Variants in ANK1 observed in about 807,000 individuals in gnomAD.
ANK1 encodes the protein ankyrin 1.
In ANK1, 51 loss-of-function variants were observed where a neutral mutation model predicts 210.4. That is an observed-to-expected ratio of 0.24 (90% CI 0.19 to 0.31). The LOEUF is 0.31. ANK1 is among the 10% of genes least tolerant of loss of function. The pLI is 1.00. For synonymous variants in ANK1, 967 were observed against 1,025.9 expected (o/e 0.94, Z 1.10); for missense variants, 2,051 against 2,504.4 (o/e 0.82, Z 3.86).
chr8:41,747,028 A>C (rs1380116780), intron 2 of ANK1, among the ~76,000 whole-genome samples: 1 of 152,104 alleles, frequency 6.6e-6, no homozygotes. Flanking sequence ...TTTCGTCTGA[A>C]TTCCATAATT....
At chr8:41,886,092 T>C (rs1321185255) in intron 1 of ANK1, among the ~76,000 whole-genome samples, 1 of 152,188 alleles carries the variant, frequency 6.6e-6, no homozygotes, top group African/African-American at 2.4e-5. Flanking sequence ...AGAGGAAAAC[T>C]CCAAGGCCCA....
chr8:41,780,042 C>A (rs1220181990), intron 1 of ANK1, among the ~76,000 whole-genome samples: 1 of 152,192 alleles, frequency 6.6e-6, no homozygotes, highest in Admixed American at 6.5e-5. Flanking sequence ...AGGCCACTAA[C>A]TCTAATTAGT....
intron 1 of ANK1, among the ~76,000 whole-genome samples, chr8:41,820,287 G>A (rs112741696): frequency 0.011 from 1,711 of 151,694 alleles, 19 homozygotes; most frequent in Non-Finnish European, 0.018. Flanking sequence ...AGCCTCCTGA[G>A]TAGCTGAGAT....
intron 1 of ANK1, among the ~76,000 whole-genome samples, chr8:41,765,618 T>C (rs1841602412): frequency 6.6e-6 from 1 of 152,134 alleles, no homozygotes; most frequent in Admixed American, 6.5e-5. Context: ...TGCCTGGGTT[T>C]GGAGGCTGTG....
Position 41,693,139 on chromosome 8 carries a change from CGTT to C in ANK1, c.3592_3594del (p.Asn1198del). ...ACATTGGTGGTGAAGTTGGCGCACT[CGTT>C]GGCATATACAAGTTTGGTGGTTCCT... On this transcript the variant is annotated inframe_deletion, in exon 30 of 43. Transcript: ENST00000289734. 1 of 1,613,908 alleles carries C rather than the reference CGTT, an allele frequency of 6.2e-7. No individual in the cohort carries two copies. The highest frequency in any genetic ancestry group is 8.5e-7 in the Non-Finnish European group (1 of 1,179,760).
chr8:41,725,159 G>A (rs1292550153), intron 6 of ANK1, among the ~76,000 whole-genome samples: 1 of 152,246 alleles, frequency 6.6e-6, no homozygotes, highest in Non-Finnish European at 1.5e-5. Flanking sequence ...CTGAAGGCAG[G>A]CCTAACCCCA....
intron 39 of ANK1, among the ~76,000 whole-genome samples, chr8:41,667,066 C>T (rs1051704654): frequency 6.6e-6 from 1 of 152,248 alleles, no homozygotes; most frequent in Non-Finnish European, 1.5e-5. Flanking sequence ...CAGTTAAGAT[C>T]ATGTGTGCTC....
chr8:41,791,052 C>A (rs1016161791), intron 1 of ANK1, among the ~76,000 whole-genome samples: 1 of 152,106 alleles, frequency 6.6e-6, no homozygotes, highest in Admixed American at 6.5e-5. Context: ...CTGCACAAGC[C>A]GCTAATAGGT....
At chr8:41,856,913 A>C (rs1587451649) in intron 1 of ANK1, among the ~76,000 whole-genome samples, 2 of 114,104 alleles carry the variant, frequency 1.8e-5, no homozygotes, top group Non-Finnish European at 3.3e-5. Flanking sequence ...ACAGGGAATC[A>C]CCCTGTTGCC....
At chr8:41,658,944 T>C (rs2150533966) in intron 42 of ANK1, among the ~76,000 whole-genome samples, 1 of 151,062 alleles carries the variant, frequency 6.6e-6, no homozygotes, top group South Asian at 2.1e-4. Flanking sequence ...ATAGTCGCTG[T>C]GAACACGGAA....
At chr8:41,730,901 C>A (rs1832032948) in intron 3 of ANK1, among the ~76,000 whole-genome samples, 1 of 152,194 alleles carries the variant, frequency 6.6e-6, no homozygotes, top group Non-Finnish European at 1.5e-5. Context: ...TCAAGAGGCT[C>A]ACGTCAAAGG....
intron 1 of ANK1, among the ~76,000 whole-genome samples, chr8:41,803,085 G>GGAAGGAAGGAAAGGA (rs1563811160): frequency 1.7e-5 from 1 of 59,996 alleles, no homozygotes; most frequent in Non-Finnish European, 3.1e-5. Flanking sequence ...GGAAGGAAGG[G>GGAAGGAAGGAAAGGA]AAGGAAAGGA....
At chr8:41,751,781 C>T (rs1837765821) in intron 2 of ANK1, among the ~76,000 whole-genome samples, 1 of 152,184 alleles carries the variant, frequency 6.6e-6, no homozygotes, top group Non-Finnish European at 1.5e-5. Context: ...AGTCTATCCT[C>T]CACACAGCAG....
intron 9 of ANK1, 36 bp downstream of exon 9, chr8:41,723,089 T>G: frequency 1.3e-6 from 2 of 1,596,574 alleles, no homozygotes; most frequent in Non-Finnish European, 1.7e-6. Flanking sequence ...TGGAGCCCTG[T>G]CTAGAAAATG....
chr8:41,699,493 TTCA>T lies in ANK1; in HGVS notation c.2514_2516del (p.Asp838del), dbSNP rs767732383. Reference sequence around the variant, plus strand: ...GCACAAAATCCAGCAGCTCCTTCTCTTCATCAACATCCCTGGAATCCCGCCTCT... The same window carrying T: ...GCACAAAATCCAGCAGCTCCTTCTCTTCAACATCCCTGGAATCCCGCCTCT... On this transcript the variant is annotated inframe_deletion, in exon 23 of 43. Coordinates refer to ENST00000289734, the MANE Select transcript of ANK1 (RefSeq NM_000037.4). The T allele has an allele frequency of 1.1e-5, 17 of 1,614,046 alleles. No homozygotes were observed. The East Asian group carries it at 3.8e-4, about 36-fold the overall frequency.
intron 1 of ANK1, among the ~76,000 whole-genome samples, chr8:41,804,884 A>G (rs1850686719): frequency 6.6e-6 from 1 of 152,176 alleles, no homozygotes; most frequent in Non-Finnish European, 1.5e-5. Flanking sequence ...GGGAAACTAA[A>G]AGCTTTAAAA....
chr8:41,864,950 C>A (rs1482552792), intron 1 of ANK1, among the ~76,000 whole-genome samples: 1 of 152,346 alleles, frequency 6.6e-6, no homozygotes, highest in East Asian at 1.9e-4. Flanking sequence ...GAGCACTGAC[C>A]AACCAGATCA....
At chr8:41,683,091 CAT>C (rs1237458314) in intron 37 of ANK1, among the ~76,000 whole-genome samples, 9 of 151,904 alleles carry the variant, frequency 5.9e-5, no homozygotes, top group Non-Finnish European at 1.2e-4. Context: ...CACACACACA[CAT>C]GCACGCACAC....
intron 36 of ANK1, among the ~76,000 whole-genome samples, chr8:41,685,789 C>A (rs1469876746): frequency 3.3e-5 from 5 of 152,244 alleles, no homozygotes; most frequent in Admixed American, 6.5e-5. Context: ...TGTGTGCCAC[C>A]ACACCTGGCT....
Sources: allele counts gnomAD v4.1 joint callset (sites outside exome capture counted in the v4.1 genomes callset), GRCh38; gene constraint gnomAD v4.1.1; transcripts MANE v1.5; gene names NCBI Gene and HGNC (gene_info 2026-07-23, HGNC 2026-07-21).